FOCAD: variants seen among roughly 807,000 people sequenced by gnomAD.
FOCAD encodes focadhesin, also known as KIAA1797.
FOCAD carries 198 observed loss-of-function variants against 225.6 expected under a neutral mutation model. The ratio of observed to expected loss-of-function variants is 0.88; its 90% CI spans 0.78 to 0.99. FOCAD has a LOEUF of 0.99. Among genes scored for constraint, FOCAD ranks in the 50% least tolerant of loss-of-function variants. The pLI is 0.00. For synonymous variants in FOCAD, 897 were observed against 755.0 expected, an observed-to-expected ratio of 1.19 and a Z score of -3.08; for missense variants, 2,713 against 2,123.6, an observed-to-expected ratio of 1.28 and a Z score of -5.46.
chr9:20,817,659 C>CT (rs74334803), intron 11 of FOCAD, among the ~76,000 whole-genome samples: 73,460 of 150,604 alleles, frequency 0.49, 18,116 homozygotes, highest in Middle Eastern at 0.54. Flanking sequence ...CCTTTTGTGG[C>CT]TTTTTTTTCT....
At chr9:20,798,146 C>T (rs1050993462) in intron 11 of FOCAD, among the ~76,000 whole-genome samples, 1 of 152,146 alleles carries the variant, frequency 6.6e-6, no homozygotes, top group African/African-American at 2.4e-5. Flanking sequence ...TGCTGGATTA[C>T]ATTTATTGAT....
At chr9:20,751,949 ATGT>A (rs1828591567) in intron 5 of FOCAD, among the ~76,000 whole-genome samples, 1 of 142,350 alleles carries the variant, frequency 7.0e-6, no homozygotes, top group Non-Finnish European at 1.5e-5. Context: ...GGCTGCATAA[ATGT>A]TGTCTTTTGA....
intron 41 of FOCAD, among the ~76,000 whole-genome samples, chr9:20,989,884 T>C (rs954050502): frequency 1.9e-4 from 29 of 152,214 alleles, no homozygotes; most frequent in African/African-American, 7.0e-4. Context: ...TTGGGTCTTC[T>C]GCCTTCACAT....
chr9:20,727,015 A>G (rs1826250906), intron 4 of FOCAD, among the ~76,000 whole-genome samples: 1 of 152,044 alleles, frequency 6.6e-6, no homozygotes, highest in Non-Finnish European at 1.5e-5. Context: ...TCTGAATTTG[A>G]TGTGGTTTCA....
At chr9:20,950,973 A>C in intron 33 of FOCAD, 23 bp from the exon 34 acceptor site, 2 of 1,587,428 alleles carry the variant, frequency 1.3e-6, no homozygotes, top group Non-Finnish European at 1.7e-6. Flanking sequence ...CCCATCATTG[A>C]ACTGTTACCT....
chr9:20,854,340 T>C (rs1363018359), intron 15 of FOCAD, among the ~76,000 whole-genome samples: 1 of 151,770 alleles, frequency 6.6e-6, no homozygotes, highest in African/African-American at 2.4e-5. Context: ...ACTATATTTT[T>C]CAGTGTATAA....
chr9:20,799,617 G>T (rs554269463), intron 11 of FOCAD, among the ~76,000 whole-genome samples: 5 of 151,544 alleles, frequency 3.3e-5, no homozygotes, highest in Middle Eastern at 6.8e-3. Context: ...TTCTTTGTCT[G>T]TTTTGATCTT....
chr9:20,894,173 A>G (rs1209769462), intron 21 of FOCAD, among the ~76,000 whole-genome samples: 1 of 152,050 alleles, frequency 6.6e-6, no homozygotes, highest in Admixed American at 6.6e-5. Context: ...AGTATTAGGC[A>G]TTTGTTTTCT....
intron 17 of FOCAD, among the ~76,000 whole-genome samples, chr9:20,866,512 A>G (rs1219283662): frequency 6.6e-6 from 1 of 151,988 alleles, no homozygotes; most frequent in Non-Finnish European, 1.5e-5. Flanking sequence ...ATACTACTTC[A>G]TGGAGACTTG....
intron 1 of FOCAD, among the ~76,000 whole-genome samples, chr9:20,711,281 C>T (rs1200342725): frequency 6.6e-6 from 1 of 152,064 alleles, no homozygotes. Context: ...ACATGTGGGA[C>T]CATTTTGGAA....
upstream of FOCAD, among the ~76,000 whole-genome samples, chr9:20,656,095 G>A (rs1587158931): frequency 6.6e-6 from 1 of 150,530 alleles, no homozygotes; most frequent in African/African-American, 2.4e-5. Context: ...TTTTGAGTGA[G>A]ATTCTTAATC....
intron 27 of FOCAD, among the ~76,000 whole-genome samples, chr9:20,931,925 G>T (rs1426878749): frequency 6.6e-6 from 1 of 151,448 alleles, no homozygotes; most frequent in Non-Finnish European, 1.5e-5. Flanking sequence ...AAAAAGGGGG[G>T]GAGAATTATG....
At chr9:20,756,313 A>G (rs1046903967) in intron 5 of FOCAD, among the ~76,000 whole-genome samples, 28 of 152,108 alleles carry the variant, frequency 1.8e-4, no homozygotes, top group African/African-American at 6.8e-4. Flanking sequence ...GAAGAAATAG[A>G]TAGTGTTATA....
At chr9:20,813,612 AGT>A (rs1224921884) in intron 11 of FOCAD, among the ~76,000 whole-genome samples, 17 of 152,288 alleles carry the variant, frequency 1.1e-4, no homozygotes, top group African/African-American at 3.4e-4. Context: ...GTGTGATTTC[AGT>A]CTTAAATTTG....
At chr9:20,894,364 A>G (rs910721355) in intron 21 of FOCAD, among the ~76,000 whole-genome samples, 7 of 152,156 alleles carry the variant, frequency 4.6e-5, no homozygotes, top group Admixed American at 1.3e-4. Context: ...TTGTTTGAAG[A>G]TAATTTTCAA....
At chr9:20,661,539 T>G (rs2131256216) in intron 2 of FOCAD, among the ~76,000 whole-genome samples, 1 of 152,302 alleles carries the variant, frequency 6.6e-6, no homozygotes, top group South Asian at 2.1e-4. Flanking sequence ...GGCAGGTAAT[T>G]AAAGTCTAAG....
In FOCAD at chr9:20,862,354, A is replaced by G. The variant is rs79906590; in HGVS notation, c.1921-224A>G. Among the ~76,000 whole-genome samples the G allele has an allele frequency of 2.3e-3, 350 of 152,206 alleles. 10 individuals are homozygous for G. The East Asian group carries it at 0.044, about 19-fold the overall frequency. On this transcript the variant is annotated intron_variant, in intron 15 of 43. Coordinates refer to ENST00000338382, the MANE Select transcript of FOCAD (RefSeq NM_001375567.1). ...GAGTTATTTACTTGGTTAACTAAAA[A>G]CGAAGTAGTAAAAAAGCAATTGTGT... is the stretch of plus-strand genomic sequence containing the variant.
chr9:20,885,143 T>C lies in FOCAD; in HGVS notation c.2538T>C (p.Tyr846=). Reference sequence around the variant, plus strand: ...TATTTTGCTATGATGTTTCCATGTATCAGAGTAAAGATGGAAAACCATTGA... The same window carrying C: ...TATTTTGCTATGATGTTTCCATGTACCAGAGTAAAGATGGAAAACCATTGA... ...GMLFCYDVSM[Y]QSKDGKPLNR... is the part of the protein sequence containing the mutation. The change falls in exon 21 of 44, where the codon TAT becomes TAC. Residue 846 remains tyrosine, a synonymous_variant. Coordinates refer to ENST00000338382, the MANE Select transcript of FOCAD (RefSeq NM_001375567.1). 6.6e-7 allele frequency: 1 copy of C among 1,524,658 alleles called. No individual in the cohort carries two copies. The highest frequency in any genetic ancestry group is 1.4e-5 in the South Asian group (1 of 72,138). 94.4% of individuals were successfully genotyped at this position (1,524,658 alleles called of 1,614,324 possible).
chr9:20,655,755 G>GT (rs1176199148), upstream of FOCAD, among the ~76,000 whole-genome samples: 3 of 152,082 alleles, frequency 2.0e-5, no homozygotes, highest in Non-Finnish European at 4.4e-5. Context: ...TTTTTGAAGG[G>GT]TTTTTTGTGT....
Sources: gnomAD v4.1 joint callset for allele counts (sites outside exome capture counted in the v4.1 genomes callset) on GRCh38, gnomAD v4.1.1 for gene constraint, MANE v1.5 for transcripts, NCBI Gene and HGNC (gene_info 2026-07-23, HGNC 2026-07-21) for gene names.